The following MED23 variants were observed in gnomAD, a reference collection of about 807,000 sequenced individuals.
MED23 encodes the protein mediator of RNA polymerase II transcription subunit 23.
In MED23, 105 loss-of-function variants were observed where a neutral mutation model predicts 163.9. That is an observed-to-expected ratio of 0.64 (90% CI 0.55 to 0.75). The LOEUF (loss-of-function observed/expected upper bound fraction) is 0.75, where lower values mean the gene tolerates loss of function less well. MED23 is among the 30% of genes least tolerant of loss of function. The pLI, the probability that MED23 is intolerant of heterozygous loss-of-function variation, is 0.00. For missense variants in MED23, 1,054 were observed against 1,649.0 expected (o/e 0.64, Z 6.25); for synonymous variants, 561 against 565.6 (o/e 0.99, Z 0.12).
intron 28 of MED23, 120 bp downstream of exon 28, chr6:131,589,345 C>T (rs1774417691): frequency 2.0e-6 from 2 of 979,622 alleles, no homozygotes; most frequent in East Asian, 2.6e-5. Context: ...CACCCTTTTT[C>T]CTTAAAAGAA....
At chr6:131,606,061 G>A (rs1775832269) in intron 13 of MED23, among the ~76,000 whole-genome samples, 2 of 151,982 alleles carry the variant, frequency 1.3e-5, no homozygotes, top group African/African-American at 4.8e-5. Flanking sequence ...AGATATTAAG[G>A]GGCATGCCAG....
intron 30 of MED23, among the ~76,000 whole-genome samples, chr6:131,576,924 T>A (rs543818754): frequency 6.6e-6 from 1 of 152,136 alleles, no homozygotes; most frequent in Admixed American, 6.5e-5. Flanking sequence ...TTGCTGGATG[T>A]ACATCCTCAC....
At chr6:131,596,711 T>A in intron 20 of MED23, 23 bp from the exon 21 acceptor site, 1 of 1,611,024 alleles carries the variant, frequency 6.2e-7, no homozygotes. Context: ...ACAGAAAAAT[T>A]ATATGAAAAT....
chr6:131,589,334 C>A, intron 28 of MED23, 131 bp downstream of exon 28: 1 of 797,886 alleles, frequency 1.3e-6, no homozygotes, highest in East Asian at 2.7e-5. Context: ...GGTCTCATAC[C>A]CACCCTTTTT....
intron 30 of MED23, chr6:131,576,846 T>G: frequency 2.1e-6 from 2 of 963,288 alleles, no homozygotes; most frequent in Non-Finnish European, 3.3e-6. Context: ...AGAATTGCGG[T>G]ACTGGTTACA....
downstream of MED23, among the ~76,000 whole-genome samples, chr6:131,585,200 G>A (rs1465152463): frequency 6.6e-6 from 1 of 152,086 alleles, no homozygotes; most frequent in Non-Finnish European, 1.5e-5. Flanking sequence ...TCTTGGCTCT[G>A]GAGTGTAGTA....
chr6:131,598,585 T>C lies in MED23; in HGVS notation c.2397A>G (p.Glu799=). ...FLCLLWKMLL[E]TDHINQIGYR... is the part of the protein sequence containing the mutation. Reference sequence around the variant, plus strand: ...AGCCAATCTGATTAATATGATCTGTTTCCAAGAGCATTTTCCAGAGAAGAC... The same window carrying C: ...AGCCAATCTGATTAATATGATCTGTCTCCAAGAGCATTTTCCAGAGAAGAC... The change falls in exon 19 of 29, where the codon GAA becomes GAG. Residue 799 remains glutamate (E), a synonymous_variant. Transcript: ENST00000368068. This position sits in a 1 kb window ranked among gnomAD's most constrained non-coding sequence, Gnocchi z 4.7. The C allele has an allele frequency of 1.9e-6, 3 of 1,614,102 alleles. No individual in the cohort carries two copies. The highest frequency in any genetic ancestry group is 2.5e-6 in the Non-Finnish European group (3 of 1,180,010).
At chr6:131,600,213 AT>A in intron 17 of MED23, 51 bp from the exon 18 acceptor site, 1 of 1,498,312 alleles carries the variant, frequency 6.7e-7, no homozygotes, top group Non-Finnish European at 9.3e-7. Flanking sequence ...TATATCCACA[AT>A]TCATAAAAGA....
In MED23 at chr6:131,598,311, T is replaced by C. The variant is rs146611879; in HGVS notation, c.2583A>G (p.Thr861=). The C allele has an allele frequency of 6.2e-7, 1 of 1,613,974 alleles. No homozygotes were observed. The highest frequency in any genetic ancestry group is 8.5e-7 in the Non-Finnish European group (1 of 1,179,842). ...CCAGGCAGAGAATTAATCTGTCCAG[T>C]GTAACAATGTTATACTTCCATACCA... ...NDMVWKYNIV[T]LDRLILCLAM... Residue 861 remains threonine (T), a synonymous_variant, in exon 20 of 29, where the codon ACA becomes ACG. Transcript: ENST00000368068. The surrounding 1 kb of genome is among the most constrained non-coding windows in gnomAD (Gnocchi z 4.7).
chr6:131,590,541 T>A, intron 26 of MED23, 99 bp from the exon 27 acceptor site: 1 of 766,418 alleles, frequency 1.3e-6, no homozygotes, highest in East Asian at 3.0e-5. Flanking sequence ...TAAAATATAA[T>A]TTTTTAAAGT....
At chr6:131,594,415 T>C in intron 22 of MED23, 80 bp from the exon 23 acceptor site, 1 of 1,086,740 alleles carries the variant, frequency 9.2e-7, no homozygotes, top group Non-Finnish European at 1.4e-6. Flanking sequence ...GCTTTCCAGA[T>C]AACTGAAAAA....
At chr6:131,623,156 A>G (rs1361121696) in intron 5 of MED23, among the ~76,000 whole-genome samples, 195 bp downstream of exon 5, 2 of 152,208 alleles carry the variant, frequency 1.3e-5, no homozygotes, top group African/African-American at 4.8e-5. Flanking sequence ...TGTATTTATA[A>G]GAATGTTGGG....
At chr6:131,611,974 G>A (rs1218646552) in intron 10 of MED23, among the ~76,000 whole-genome samples, 3 of 152,048 alleles carry the variant, frequency 2.0e-5, no homozygotes, top group Non-Finnish European at 4.4e-5. Flanking sequence ...TTATCATACA[G>A]TTAATGATTT....
chr6:131,598,841 A>C lies in MED23; in HGVS notation c.2221-80T>G. The C allele has an allele frequency of 7.4e-7, 1 of 1,356,496 alleles. No homozygotes were observed. Among genetic ancestry groups the C allele is most frequent in the South Asian group, 1.2e-5 (1 of 84,014 alleles). 84.0% of individuals were successfully genotyped at this position (1,356,496 alleles called of 1,614,324 possible). A position where few individuals can be genotyped will look rare whatever the true frequency, so the allele number is the denominator to read the frequency against. On this transcript the variant is annotated intron_variant, in intron 18 of 28. Coordinates refer to ENST00000368068, the MANE Select transcript of MED23 (RefSeq NM_004830.4). The surrounding 1 kb of genome is among the most constrained non-coding windows in gnomAD (Gnocchi z 4.7). ...TATGGAGTTAATAAACCAGTTCTAG[A>C]CTTGATTCTGACACTAATAAACTCT...
Position 131,622,427 on chromosome 6 carries a change from C to T in MED23, c.397-448G>A, listed in dbSNP as rs1327985881. Among the ~76,000 whole-genome samples the T allele has an allele frequency of 3.3e-5, 5 of 152,132 alleles. No homozygotes were observed. In the South Asian group the frequency reaches 1.0e-3, roughly 31 times the overall value. On this transcript the variant is annotated intron_variant, in intron 5 of 28. Transcript: ENST00000368068. ...TAAGCCACTGTGACTGGCCTATTCTCCCTTCTCATCCATCACATACCTTAA... is the reference window on the plus strand; with the variant it reads ...TAAGCCACTGTGACTGGCCTATTCTTCCTTCTCATCCATCACATACCTTAA...
At chr6:131,582,733 T>A (rs760015789), downstream of MED23, 3 of 1,610,150 alleles carry the variant, frequency 1.9e-6, no homozygotes, top group African/African-American at 4.0e-5. Flanking sequence ...TATTCCTTGA[T>A]GTGATTTGCC....
At chr6:131,582,355 G>A (rs1264412767), downstream of MED23, among the ~76,000 whole-genome samples, 2 of 152,132 alleles carry the variant, frequency 1.3e-5, no homozygotes, top group Non-Finnish European at 2.9e-5. Flanking sequence ...GAGCACAATC[G>A]TTTCTTTATA....
At position 131,603,220 on chromosome 6, in the gene MED23, A is replaced by T; in HGVS notation, c.1757-16T>A. ...AAAAGCTGACCTGGAGGAAAAAGACAATTTAAGGTACCAATTATTAAAGGC... is the reference window on the plus strand; with the variant it reads ...AAAAGCTGACCTGGAGGAAAAAGACTATTTAAGGTACCAATTATTAAAGGC... On this transcript the variant is annotated splice_polypyrimidine_tract_variant and intron_variant, in intron 15 of 28. Coordinates refer to ENST00000368068, the MANE Select transcript of MED23 (RefSeq NM_004830.4). 1 of 1,612,704 alleles carries T rather than the reference A, an allele frequency of 6.2e-7. No homozygotes were observed. The highest frequency in any genetic ancestry group is 8.5e-7 in the Non-Finnish European group (1 of 1,178,778).
At chr6:131,615,639 T>C (rs1171485697) in intron 10 of MED23, 4 of 565,398 alleles carry the variant, frequency 7.1e-6, no homozygotes, top group Admixed American at 3.2e-5. Context: ...TAGGTTTCTC[T>C]GGCAAAAGGT....
Sources: gnomAD v4.1 joint callset for allele counts (sites outside exome capture counted in the v4.1 genomes callset) on GRCh38, gnomAD v4.1.1 for gene constraint, Gnocchi (gnomAD v3.1) non-coding constraint, MANE v1.5 for transcripts, NCBI Gene and HGNC (gene_info 2026-07-23, HGNC 2026-07-21) for gene names.